TSPAN17: variants seen among roughly 807,000 people sequenced by gnomAD.
TSPAN17 encodes tetraspanin 17, also known as tetraspanin-17.
Under a neutral mutation model 40.5 loss-of-function variants are expected in TSPAN17, and 33 were observed. The observed-to-expected ratio is 0.81, with a 90% CI of 0.62 to 1.09. The LOEUF is 1.09. TSPAN17 is among the 50% of genes least tolerant of loss of function. The probability of loss-of-function intolerance (pLI) is 0.00; values close to 1 mark genes in which losing one functional copy is unlikely to be tolerated. For synonymous variants in TSPAN17, 166 were observed against 169.4 expected (o/e 0.98, Z 0.15); for missense variants, 365 against 416.8 (o/e 0.88, Z 1.08).
At position 176,656,911 on chromosome 5, in the gene TSPAN17, T is replaced by G. The variant is rs1305323076; in HGVS notation, c.764T>G (p.Leu255Arg). The G allele has an allele frequency of 1.2e-6, 2 of 1,614,218 alleles. No homozygotes were observed. The highest frequency in any genetic ancestry group is 1.3e-5 in the African/African-American group (1 of 75,070). ...IALLQIFGIC[L>R]AQNLVSDIKA... ...GTCTTACAGATCTTTGGCATCTGCC[T>G]GGCCCAGAACCTCGTGAGTGACATC... is the stretch of plus-strand genomic sequence containing the variant. Residue 255 changes from leucine (L) to arginine (R), a missense_variant, in exon 8 of 9, where the codon CTG (leucine) becomes CGG (arginine). Leu to Arg is a moderately radical substitution (Grantham distance 102, BLOSUM62 -2). Transcript: ENST00000508164.
intron 8 of TSPAN17, 145 bp downstream of exon 8, chr5:176,657,101 C>A: frequency 3.5e-6 from 3 of 864,656 alleles, no homozygotes; most frequent in Non-Finnish European, 5.2e-6. Flanking sequence ...TCGCCTGAAC[C>A]GCTGTGCTGT....
chr5:176,657,679 C>A lies in TSPAN17; in HGVS notation c.971C>A (p.Pro324Gln). ...GGCCTGGGTGGTTTATACCCTGAGC[C>A]AACCTTTAAAAATTGGTAGATTTCA... The part of the protein sequence containing the change: ...FFGLGGLYPE[P>Q]TFKNW The change falls in exon 9 of 9, where the codon CCA becomes CAA. Residue 324 changes from proline to glutamine, a missense_variant. By Grantham distance (76) the Pro-to-Gln change is moderately conservative. Coordinates refer to ENST00000508164, the MANE Select transcript of TSPAN17 (RefSeq NM_130465.5). 1 of 1,567,456 alleles carries A rather than the reference C, an allele frequency of 6.4e-7. No homozygotes were observed. The highest frequency in any genetic ancestry group is 1.2e-5 in the South Asian group (1 of 84,892).
intron 6 of TSPAN17, 46 bp from the exon 7 acceptor site, chr5:176,656,654 G>A (rs752461314): frequency 1.3e-5 from 21 of 1,595,570 alleles, no homozygotes; most frequent in South Asian, 1.2e-4. Context: ...GGTGGGAGCC[G>A]GCCTGAAGGG....
At chr5:176,656,216 G>A (rs1270806072) in intron 6 of TSPAN17, 91 bp downstream of exon 6, 1 of 1,381,160 alleles carries the variant, frequency 7.2e-7, no homozygotes, top group East Asian at 2.3e-5. Flanking sequence ...AAGGCCTCAG[G>A]GATTCTTTGG....
At position 176,651,494 on chromosome 5, in the gene TSPAN17, C is replaced by A; in HGVS notation, c.88-122C>A. The A allele has an allele frequency of 9.4e-7, 1 of 1,063,978 alleles. No homozygotes were observed. Among genetic ancestry groups the A allele is most frequent in the Non-Finnish European group, 1.3e-6 (1 of 753,214 alleles). 65.9% of individuals were successfully genotyped at this position (1,063,978 alleles called of 1,614,324 possible). A position where few individuals can be genotyped will look rare whatever the true frequency, so the allele number is the denominator to read the frequency against. ...GGAAGATGGAAAGGACCCCGGATCC[C>A]GTTCACAGCCCTTGTGCCTCTTCCT... On this transcript the variant is annotated intron_variant, in intron 1 of 8. Transcript: ENST00000508164. This position sits in a 1 kb window ranked among gnomAD's most constrained non-coding sequence, Gnocchi z 4.5.
intron 1 of TSPAN17, among the ~76,000 whole-genome samples, chr5:176,648,835 CTTA>C (rs201800112): frequency 0.015 from 2,336 of 152,286 alleles, 64 homozygotes; most frequent in African/African-American, 0.053. Flanking sequence ...TCACAACTGC[CTTA>C]TTATCTGCAT....
chr5:176,647,753 G>C (rs1012853499), intron 1 of TSPAN17, 51 bp downstream of exon 1: 1 of 1,505,422 alleles, frequency 6.6e-7, no homozygotes, highest in Non-Finnish European at 9.0e-7. Flanking sequence ...GTGGGAGAGG[G>C]AGATTCAGTC....
Position 176,658,213 on chromosome 5 carries a change from C to G in TSPAN17, c.*515C>G, listed in dbSNP as rs750343285. 6.6e-6 allele frequency: 1 copy of G among 152,616 alleles called. No homozygotes were observed. Among genetic ancestry groups the G allele is most frequent in the East Asian group, 1.9e-4 (1 of 5,186 alleles). 9.5% of individuals were successfully genotyped at this position (152,616 alleles called of 1,614,324 possible). On this transcript the variant is annotated 3_prime_UTR_variant, in exon 9 of 9. Transcript: ENST00000508164. ...GATGGGCACTAGAGGGCATGCCAGC[C>G]CCACACTCCCTGGGTCTGGCTTCCT...
intron 8 of TSPAN17, 39 bp downstream of exon 8, chr5:176,656,995 C>T (rs748461525): frequency 6.9e-6 from 11 of 1,600,338 alleles, no homozygotes; most frequent in Non-Finnish European, 7.7e-6. Flanking sequence ...GCCTGGCCTA[C>T]GCAGGCCTCT....
chr5:176,652,676 C>T, intron 3 of TSPAN17, 67 bp from the exon 4 acceptor site: 12 of 1,537,540 alleles, frequency 7.8e-6, no homozygotes, highest in Non-Finnish European at 1.1e-5. Flanking sequence ...CTGTGGCACA[C>T]CCAAGCCCTG....
chr5:176,647,485 C>T lies in TSPAN17; in HGVS notation c.-131C>T. 3.8e-6 allele frequency: 2 copies of T among 530,784 alleles called. No homozygotes were observed. Among genetic ancestry groups the T allele is most frequent in the Non-Finnish European group, 5.8e-6 (2 of 342,166 alleles). The allele number at this position is 530,784 out of a possible 1,614,324, so 32.9% of individuals were successfully genotyped here. A position where few individuals can be genotyped will look rare whatever the true frequency, so the allele number is the denominator to read the frequency against. On this transcript the variant is annotated 5_prime_UTR_variant, in exon 1 of 9. Transcript: ENST00000508164. The stretch of plus-strand genomic sequence containing the variant: ...AGGGGCGGGCGGGGCCCGACCGGCG[C>T]TCTGTGTGGCCGAGGCCATGAAGCC...
At position 176,651,657 on chromosome 5, in the gene TSPAN17, G is replaced by C; in HGVS notation, c.129G>C (p.Trp43Cys). 1.2e-6 allele frequency: 2 copies of C among 1,614,024 alleles called. No homozygotes were observed. Among genetic ancestry groups the C allele is most frequent in the Non-Finnish European group, 8.5e-7 (1 of 1,179,924 alleles). The change falls in exon 2 of 9, where the codon TGG becomes TGC. Residue 43 changes from tryptophan (W) to cysteine (C), a missense_variant. By Grantham distance (215) the Trp-to-Cys change is radical. Coordinates refer to ENST00000508164, the MANE Select transcript of TSPAN17 (RefSeq NM_130465.5). This position sits in a 1 kb window ranked among gnomAD's most constrained non-coding sequence, Gnocchi z 4.5. ...TCCTGGCTATCGGCCTCTGGGCCTGGGGTGAGAAGGTAAGGCAGCGGGCGG... is the reference window on the plus strand; with the variant it reads ...TCCTGGCTATCGGCCTCTGGGCCTGCGGTGAGAAGGTAAGGCAGCGGGCGG... ...ALFLAIGLWA[W>C]GEKGVLSNIS...
chr5:176,656,235 T>C, intron 6 of TSPAN17, 110 bp downstream of exon 6: 5 of 1,229,358 alleles, frequency 4.1e-6, no homozygotes, highest in Non-Finnish European at 5.8e-6. Flanking sequence ...GGGGAGAGGG[T>C]GCTGAGTCCC....
intron 4 of TSPAN17, 155 bp downstream of exon 4, chr5:176,653,068 C>T: frequency 1.3e-6 from 1 of 751,150 alleles, no homozygotes; most frequent in South Asian, 1.8e-5. Context: ...CGAGGAGAGC[C>T]AGCCCCTGCT....
In TSPAN17 at chr5:176,647,536, G is replaced by T; in HGVS notation, c.-80G>T. 8.5e-7 allele frequency: 1 copy of T among 1,170,856 alleles called. No homozygotes were observed. Among genetic ancestry groups the T allele is most frequent in the South Asian group, 1.9e-5 (1 of 53,568 alleles). 72.5% of individuals were successfully genotyped at this position (1,170,856 alleles called of 1,614,324 possible). On this transcript the variant is annotated 5_prime_UTR_variant, in exon 1 of 9. Transcript: ENST00000508164. Reference sequence around the variant, plus strand: ...GCAGCCGCCCGGCTAGGCCCCGGGCGGCTCTAGCCCAGGGCGGCCCGCGGG... The same window carrying T: ...GCAGCCGCCCGGCTAGGCCCCGGGCTGCTCTAGCCCAGGGCGGCCCGCGGG...
Position 176,657,819 on chromosome 5 carries a change from G to C in TSPAN17, c.*121G>C. ...CCCCAGTCACCAAGGGCCCCAGCTG[G>C]CCCGTTCTACTCACCTAAGTGCCGC... On this transcript the variant is annotated 3_prime_UTR_variant, in exon 9 of 9. Transcript: ENST00000508164. 6.7e-7 allele frequency: 1 copy of C among 1,490,496 alleles called. No homozygotes were observed. The highest frequency in any genetic ancestry group is 8.9e-7 in the Non-Finnish European group (1 of 1,121,030). 92.3% of individuals were successfully genotyped at this position (1,490,496 alleles called of 1,614,324 possible).
At chr5:176,652,978 C>T in intron 4 of TSPAN17, 65 bp downstream of exon 4, 1 of 1,557,826 alleles carries the variant, frequency 6.4e-7, no homozygotes, top group Non-Finnish European at 8.8e-7. Flanking sequence ...AATGAGGGAG[C>T]AAGTTCCCTG....
At position 176,652,869 on chromosome 5, in the gene TSPAN17, G is replaced by A. The variant is rs573297635; in HGVS notation, c.412G>A (p.Asp138Asn). Reference protein sequence around the residue: ...FINNNVKAYRDDIDLQNLIDF... With the variant: ...FINNNVKAYRNDIDLQNLIDF... Reference sequence around the variant, plus strand: ...CAACAACAACGTCAAGGCCTACCGGGACGACATTGACCTCCAGAACCTCAT... The same window carrying A: ...CAACAACAACGTCAAGGCCTACCGGAACGACATTGACCTCCAGAACCTCAT... The change falls in exon 4 of 9, where the codon GAC (aspartate) becomes AAC (asparagine). Residue 138 changes from aspartate to asparagine, a missense_variant. By Grantham distance (23) the Asp-to-Asn change is conservative. Coordinates refer to ENST00000508164, the MANE Select transcript of TSPAN17 (RefSeq NM_130465.5). 2 of 1,614,058 alleles carry A rather than the reference G, an allele frequency of 1.2e-6. No individual in the cohort carries two copies. Among genetic ancestry groups the A allele is most frequent in the Non-Finnish European group, 1.7e-6 (2 of 1,180,026 alleles).
Position 176,647,691 on chromosome 5 carries a change from A to G in TSPAN17, c.76A>G (p.Ile26Val), listed in dbSNP as rs751921809. Residue 26 changes from isoleucine (I) to valine (V), a missense_variant, in exon 1 of 9, where the codon ATT becomes GTT. Transcript: ENST00000508164. ...CGKYFLFGFN[I>V]VFWVLGALFL... ...GAAATACTTCCTGTTTGGCTTCAAC[A>G]TTGTCTTCTGGGTGAGCGCGGGGTC... is the stretch of plus-strand genomic sequence containing the variant. The G allele has an allele frequency of 2.5e-6, 4 of 1,595,276 alleles. No homozygotes were observed. The highest frequency in any genetic ancestry group is 2.3e-5 in the East Asian group (1 of 43,494).
Sources: allele counts gnomAD v4.1 joint callset (sites outside exome capture counted in the v4.1 genomes callset), GRCh38; gene constraint gnomAD v4.1.1; non-coding constraint Gnocchi (gnomAD v3.1); transcripts MANE v1.5; gene names NCBI Gene and HGNC (gene_info 2026-07-23, HGNC 2026-07-21).